The following SUGCT variants were observed in gnomAD, a reference collection of about 807,000 sequenced individuals.
SUGCT encodes succinyl-CoA:glutarate CoA-transferase.
SUGCT carries 41 observed loss-of-function variants against 55.0 expected under a neutral mutation model. The ratio of observed to expected loss-of-function variants is 0.74; its 90% confidence interval spans 0.58 to 0.97. The LOEUF is 0.97. SUGCT is among the 50% of genes least tolerant of loss of function. The pLI, the probability that SUGCT is intolerant of heterozygous loss-of-function variation, is 0.00. For synonymous variants in SUGCT, 187 were observed against 200.4 expected, an observed-to-expected ratio of 0.93 and a Z score of 0.56; for missense variants, 568 against 547.8, an observed-to-expected ratio of 1.04 and a Z score of -0.37.
chr7:41,013,240 T>A, the SUGCT span, among the ~76,000 whole-genome samples: 1 of 152,202 alleles, frequency 6.6e-6, no homozygotes, highest in South Asian at 2.1e-4. Flanking sequence ...TCACAGGTCA[T>A]TTACATAGAT....
chr7:40,514,065 C>A (rs1038475889), intron 12 of SUGCT, among the ~76,000 whole-genome samples: 3 of 151,958 alleles, frequency 2.0e-5, no homozygotes, highest in African/African-American at 7.3e-5. Flanking sequence ...GCTGGGATTA[C>A]AGGTGTGAGT....
chr7:40,218,554 G>T (rs1478262982), intron 6 of SUGCT, among the ~76,000 whole-genome samples: 1 of 152,190 alleles, frequency 6.6e-6, no homozygotes, highest in Non-Finnish European at 1.5e-5. Flanking sequence ...TCAGCGCTCT[G>T]TGTCTAGCTA....
At chr7:40,439,418 A>G (rs1269124188) in intron 9 of SUGCT, among the ~76,000 whole-genome samples, 2 of 151,930 alleles carry the variant, frequency 1.3e-5, no homozygotes, top group African/African-American at 4.8e-5. Flanking sequence ...CTCATTGCTC[A>G]GTAACATTCT....
chr7:40,843,615 GAGA>G (rs1464103373), intron 13 of SUGCT, among the ~76,000 whole-genome samples: 104 of 152,166 alleles, frequency 6.8e-4, no homozygotes, highest in African/African-American at 2.3e-3. Flanking sequence ...GTTCCCAGCA[GAGA>G]AGAATGGCTG....
intron 8 of SUGCT, among the ~76,000 whole-genome samples, chr7:40,312,165 G>A (rs9639834): frequency 0.56 from 84,967 of 151,436 alleles, 25,212 homozygotes; most frequent in Non-Finnish European, 0.67. Flanking sequence ...TCAGCCTCCC[G>A]AGTAGCTGGG....
At chr7:40,870,106 A>G in the SUGCT span, among the ~76,000 whole-genome samples, 1 of 152,180 alleles carries the variant, frequency 6.6e-6, no homozygotes, top group African/African-American at 2.4e-5. Context: ...AACTGTAACA[A>G]ATTACCACAC....
At chr7:40,305,790 T>C (rs35355796) in intron 8 of SUGCT, among the ~76,000 whole-genome samples, 8 of 152,078 alleles carry the variant, frequency 5.3e-5, no homozygotes, top group Non-Finnish European at 8.8e-5. Flanking sequence ...GTCTCCTAAG[T>C]AGCTAGTTCT....
At chr7:40,455,785 CAT>C (rs1192581747) in intron 10 of SUGCT, among the ~76,000 whole-genome samples, 1 of 152,192 alleles carries the variant, frequency 6.6e-6, no homozygotes, top group Non-Finnish European at 1.5e-5. Flanking sequence ...CACCTTCCTG[CAT>C]ATGCAAAGAT....
the SUGCT span, among the ~76,000 whole-genome samples, chr7:40,888,751 A>C: frequency 6.6e-6 from 1 of 152,190 alleles, no homozygotes; most frequent in Non-Finnish European, 1.5e-5. Flanking sequence ...TGCTCACTGC[A>C]TCAGTCAGGG....
chr7:40,934,959 C>T, the SUGCT span, among the ~76,000 whole-genome samples: 11,994 of 152,208 alleles, frequency 0.079, 522 homozygotes, highest in African/African-American at 0.1. Flanking sequence ...GTGAGATGAA[C>T]CAGGTACCTC....
At chr7:40,432,494 T>C (rs1265709126) in intron 9 of SUGCT, among the ~76,000 whole-genome samples, 1 of 152,080 alleles carries the variant, frequency 6.6e-6, no homozygotes, top group Non-Finnish European at 1.5e-5. Flanking sequence ...GAGACCAGGA[T>C]GACCAACATG....
intron 12 of SUGCT, among the ~76,000 whole-genome samples, chr7:40,629,034 T>C (rs562421825): frequency 3.3e-4 from 50 of 152,248 alleles, no homozygotes; most frequent in African/African-American, 1.2e-3. Flanking sequence ...TTCCCAAATC[T>C]CACTGTCCAT....
chr7:40,955,666 C>G, the SUGCT span, among the ~76,000 whole-genome samples: 1 of 152,146 alleles, frequency 6.6e-6, no homozygotes, highest in Non-Finnish European at 1.5e-5. Flanking sequence ...ATTTCAAATA[C>G]TATGTTGAAT....
At chr7:40,464,714 G>A (rs1447921233) in intron 11 of SUGCT, among the ~76,000 whole-genome samples, 1 of 152,182 alleles carries the variant, frequency 6.6e-6, no homozygotes, top group African/African-American at 2.4e-5. Flanking sequence ...GCATGTGCCT[G>A]TAGTCCCAGC....
intron 8 of SUGCT, among the ~76,000 whole-genome samples, chr7:40,278,421 A>G (rs1411803015): frequency 6.6e-6 from 1 of 152,186 alleles, no homozygotes; most frequent in Non-Finnish European, 1.5e-5. Flanking sequence ...CCATCCCATT[A>G]CTGGTTATAT....
At chr7:40,290,873 G>T (rs1793699707) in intron 8 of SUGCT, among the ~76,000 whole-genome samples, 1 of 152,160 alleles carries the variant, frequency 6.6e-6, no homozygotes, top group Non-Finnish European at 1.5e-5. Context: ...CTCAAAAGAA[G>T]ACATTTACGC....
Position 40,280,671 on chromosome 7 carries a change from C to A in SUGCT, c.720+6015C>A, listed in dbSNP as rs79585051. Among the ~76,000 whole-genome samples, 605 of 152,210 alleles carry A rather than the reference C, an allele frequency of 4.0e-3. 4 individuals carry two copies. Among genetic ancestry groups the A allele is most frequent in the African/African-American group, 0.013 (555 of 41,532 alleles). On this transcript the variant is annotated intron_variant, in intron 8 of 13. Transcript: ENST00000335693. ...GACTGATAAACTTTTGAATCTCAAGCAAGTAATCTAAAATTCATTGTTTTG... is the reference window on the plus strand; with the variant it reads ...GACTGATAAACTTTTGAATCTCAAGAAAGTAATCTAAAATTCATTGTTTTG...
At chr7:40,218,339 C>T (rs1365281875) in intron 6 of SUGCT, among the ~76,000 whole-genome samples, 1 of 152,162 alleles carries the variant, frequency 6.6e-6, no homozygotes, top group East Asian at 1.9e-4. Context: ...TTTCATTAAA[C>T]AATAGAAGCC....
At chr7:40,625,587 C>T (rs1799488950) in intron 12 of SUGCT, among the ~76,000 whole-genome samples, 1 of 151,992 alleles carries the variant, frequency 6.6e-6, no homozygotes, top group Non-Finnish European at 1.5e-5. Flanking sequence ...TCCTTCTTAC[C>T]CATGCCTCCT....
Sources: allele counts gnomAD v4.1 joint callset (sites outside exome capture counted in the v4.1 genomes callset), GRCh38; gene constraint gnomAD v4.1.1; transcripts MANE v1.5; gene names NCBI Gene and HGNC (gene_info 2026-07-23, HGNC 2026-07-21).